NXPH2: variants seen among roughly 807,000 people sequenced by gnomAD.
The protein encoded by NXPH2 is neurexophilin-2.
NXPH2 carries 5 observed loss-of-function variants against 19.8 expected under a neutral mutation model. That is an observed-to-expected ratio of 0.25 (90% CI 0.13 to 0.53). NXPH2 has a LOEUF of 0.53. Ranked by LOEUF, NXPH2 falls within the 20% of genes least tolerant of loss-of-function variation. NXPH2 has a pLI of 0.96. For synonymous variants in NXPH2, 154 were observed against 127.4 expected (o/e 1.21, Z -1.41); for missense variants, 289 against 322.8 (o/e 0.90, Z 0.80).
chr2:138,775,523 C>A (rs1459727803), intron 1 of NXPH2, among the ~76,000 whole-genome samples: 1 of 151,978 alleles, frequency 6.6e-6, no homozygotes, highest in African/African-American at 2.4e-5. Context: ...TAAAAGGGCA[C>A]CTGATTTTGG....
At position 138,672,603 on chromosome 2, in the gene NXPH2, G is replaced by T. The variant is rs574831077; in HGVS notation, c.52-938C>A. On this transcript the variant is annotated intron_variant, in intron 1 of 1. Transcript: ENST00000272641. ...TTGCATGGAGTGAATATTTATGGATGATTTATAAAAAGTCTGGAAAATAGA... is the reference window on the plus strand; with the variant it reads ...TTGCATGGAGTGAATATTTATGGATTATTTATAAAAAGTCTGGAAAATAGA... Among the ~76,000 whole-genome samples the T allele has an allele frequency of 2.6e-5, 4 of 152,286 alleles. No homozygotes were observed. The East Asian group carries it at 7.7e-4, about 29-fold the overall frequency.
chr2:138,769,314 T>C (rs184984185), intron 1 of NXPH2, among the ~76,000 whole-genome samples: 19 of 152,060 alleles, frequency 1.2e-4, no homozygotes, highest in African/African-American at 4.6e-4. Context: ...GACTGAATGG[T>C]TATTATAGGG....
intron 1 of NXPH2, among the ~76,000 whole-genome samples, chr2:138,755,124 C>T (rs1222729130): frequency 1.3e-5 from 2 of 151,994 alleles, no homozygotes; most frequent in African/African-American, 2.4e-5. Flanking sequence ...ATATATTCAG[C>T]ATATATATCT....
At chr2:138,673,642 A>AT (rs1680444261) in intron 1 of NXPH2, among the ~76,000 whole-genome samples, 1 of 150,570 alleles carries the variant, frequency 6.6e-6, no homozygotes, top group Non-Finnish European at 1.5e-5. Flanking sequence ...AAATGGGATT[A>AT]ATTTTTTTTT....
intron 1 of NXPH2, among the ~76,000 whole-genome samples, chr2:138,691,452 T>C (rs1270810165): frequency 6.6e-6 from 1 of 152,200 alleles, no homozygotes; most frequent in Non-Finnish European, 1.5e-5. Flanking sequence ...CAGTCTTTTA[T>C]CAGCATGTGT....
rs1484359890 is a variant in NXPH2, at chr2:138,669,524, G to T, written c.*1398C>A. On this transcript the variant is annotated 3_prime_UTR_variant, in exon 2 of 2. Transcript: ENST00000272641. ...TGGTTTTTTGAACAGTGTGGTAAGA[G>T]TATTTCTTGTTGTTTAGGACTTCTC... Among the ~76,000 whole-genome samples, 1 of 152,154 alleles carries T rather than the reference G, an allele frequency of 6.6e-6. No individual in the cohort carries two copies. Among genetic ancestry groups the T allele is most frequent in the Non-Finnish European group, 1.5e-5 (1 of 68,014 alleles).
chr2:138,728,312 T>G (rs771648398), intron 1 of NXPH2, among the ~76,000 whole-genome samples: 1 of 152,214 alleles, frequency 6.6e-6, no homozygotes, highest in Non-Finnish European at 1.5e-5. Flanking sequence ...ACTCTGATTC[T>G]GGACTTTCAG....
At chr2:138,677,990 T>C (rs1680511948) in intron 1 of NXPH2, among the ~76,000 whole-genome samples, 1 of 152,198 alleles carries the variant, frequency 6.6e-6, no homozygotes, top group Non-Finnish European at 1.5e-5. Context: ...CTAAAGTCCA[T>C]ACTTTAATTG....
At chr2:138,676,903 C>A (rs369414776) in intron 1 of NXPH2, among the ~76,000 whole-genome samples, 47 of 152,340 alleles carry the variant, frequency 3.1e-4, no homozygotes, top group Non-Finnish European at 6.3e-4. Flanking sequence ...TCTAGTCTTA[C>A]TGGCATCTGA....
Position 138,670,477 on chromosome 2 carries a change from A to C in NXPH2, c.*445T>G, listed in dbSNP as rs747168725. ...TATAAAAAAAAGGGTCCAATGTCAAAAACACAATTCATCTATCAAATACAA... is the reference window on the plus strand; with the variant it reads ...TATAAAAAAAAGGGTCCAATGTCAACAACACAATTCATCTATCAAATACAA... On this transcript the variant is annotated 3_prime_UTR_variant, in exon 2 of 2. Coordinates refer to ENST00000272641, the MANE Select transcript of NXPH2 (RefSeq NM_007226.3). Among the ~76,000 whole-genome samples, 4 of 152,230 alleles carry C rather than the reference A, an allele frequency of 2.6e-5. No individual in the cohort carries two copies. The highest frequency in any genetic ancestry group is 5.9e-5 in the Non-Finnish European group (4 of 68,042).
intron 1 of NXPH2, among the ~76,000 whole-genome samples, chr2:138,673,590 CAATG>C (rs767304036): frequency 5.3e-5 from 8 of 151,696 alleles, no homozygotes; most frequent in Admixed American, 2.0e-4. Flanking sequence ...AGTCACCCTA[CAATG>C]CTTTTGAACA....
At chr2:138,737,399 C>T (rs1681567054) in intron 1 of NXPH2, among the ~76,000 whole-genome samples, 1 of 152,154 alleles carries the variant, frequency 6.6e-6, no homozygotes, top group African/African-American at 2.4e-5. Flanking sequence ...ACCATCAGAT[C>T]TTGTGAGACT....
chr2:138,671,476 A>G lies in NXPH2; in HGVS notation c.241T>C (p.Trp81Arg), dbSNP rs1166024340. The change falls in exon 2 of 2, where the codon TGG (tryptophan) becomes CGG (arginine). Residue 81 changes from tryptophan (W) to arginine (R), a missense_variant. By Grantham distance (101) the Trp-to-Arg change is moderately radical. Transcript: ENST00000272641. The part of the protein sequence containing the change: ...MAYADSMENF[W>R]DWLANITEIQ... ...TCCGTGATGTTGGCCAGCCAATCCCAAAAGTTTTCCATGCTGTCTGCGTAC... is the reference window on the plus strand; with the variant it reads ...TCCGTGATGTTGGCCAGCCAATCCCGAAAGTTTTCCATGCTGTCTGCGTAC... 2 of 1,613,858 alleles carry G rather than the reference A, an allele frequency of 1.2e-6. No individual in the cohort carries two copies. Among genetic ancestry groups the G allele is most frequent in the Non-Finnish European group, 1.7e-6 (2 of 1,179,808 alleles).
Position 138,670,025 on chromosome 2 carries a change from G to C in NXPH2, c.*897C>G, listed in dbSNP as rs1680391778. ...ACTTTTGTTTTCTATTCTAGTCTAGGAAACAAGCACTTTCACTCAACTTCA... is the reference window on the plus strand; with the variant it reads ...ACTTTTGTTTTCTATTCTAGTCTAGCAAACAAGCACTTTCACTCAACTTCA... On this transcript the variant is annotated 3_prime_UTR_variant, in exon 2 of 2. Coordinates refer to ENST00000272641, the MANE Select transcript of NXPH2 (RefSeq NM_007226.3). Among the ~76,000 whole-genome samples, 1 of 152,078 alleles carries C rather than the reference G, an allele frequency of 6.6e-6. No individual in the cohort carries two copies. The highest frequency in any genetic ancestry group is 1.5e-5 in the Non-Finnish European group (1 of 68,022).
At chr2:138,700,975 C>T (rs143445012) in intron 1 of NXPH2, among the ~76,000 whole-genome samples, 92 of 151,990 alleles carry the variant, frequency 6.1e-4, no homozygotes, top group African/African-American at 2.1e-3. Flanking sequence ...TAGAGAACGG[C>T]GTTTTAAGAA....
At chr2:138,759,485 T>G (rs1229520859) in intron 1 of NXPH2, among the ~76,000 whole-genome samples, 1 of 151,902 alleles carries the variant, frequency 6.6e-6, no homozygotes, top group African/African-American at 2.4e-5. Context: ...TAGCTACAAG[T>G]CTACATTCCA....
chr2:138,692,021 G>T (rs1351020711), intron 1 of NXPH2, among the ~76,000 whole-genome samples: 2 of 152,200 alleles, frequency 1.3e-5, no homozygotes, highest in African/African-American at 4.8e-5. Flanking sequence ...ATGAAGTGAG[G>T]TGATAGCGTA....
intron 1 of NXPH2, among the ~76,000 whole-genome samples, chr2:138,692,391 A>G (rs1172183069): frequency 6.6e-6 from 1 of 152,194 alleles, no homozygotes; most frequent in Non-Finnish European, 1.5e-5. Context: ...TATTTCAACA[A>G]TATTCAATAT....
At chr2:138,779,330 A>T (rs183207264) in intron 1 of NXPH2, among the ~76,000 whole-genome samples, 208 of 152,278 alleles carry the variant, frequency 1.4e-3, no homozygotes, top group African/African-American at 4.2e-3. Flanking sequence ...CTTCTTGAAG[A>T]TCTTACTTTG....
Sources: allele counts gnomAD v4.1 joint callset (sites outside exome capture counted in the v4.1 genomes callset), GRCh38; gene constraint gnomAD v4.1.1; transcripts MANE v1.5; gene names NCBI Gene and HGNC (gene_info 2026-07-23, HGNC 2026-07-21).